MACROD2: variants seen among roughly 807,000 people sequenced by gnomAD.
MACROD2 encodes mono-ADP ribosylhydrolase 2.
In MACROD2, 36 loss-of-function variants were observed where a neutral mutation model predicts 70.4. The ratio of observed to expected loss-of-function variants is 0.51; its 90% confidence interval spans 0.39 to 0.68. The LOEUF (loss-of-function observed/expected upper bound fraction) is 0.68, where lower values mean the gene tolerates loss of function less well. MACROD2 is among the 30% of genes least tolerant of loss of function. MACROD2 has a pLI of 0.00. For missense variants in MACROD2, 496 were observed against 538.4 expected, an observed-to-expected ratio of 0.92 and a Z score of 0.78; for synonymous variants, 172 against 178.8, an observed-to-expected ratio of 0.96 and a Z score of 0.30.
At chr20:14,431,701 A>T (rs1817316630) in intron 3 of MACROD2, among the ~76,000 whole-genome samples, 1 of 152,222 alleles carries the variant, frequency 6.6e-6, no homozygotes, top group Admixed American at 6.5e-5. Context: ...AAGTTAGAAA[A>T]GAATTTAGAC....
At chr20:14,359,287 G>C (rs59497311) in intron 3 of MACROD2, among the ~76,000 whole-genome samples, 1,823 of 152,084 alleles carry the variant, frequency 0.012, 37 homozygotes, top group African/African-American at 0.042. Flanking sequence ...AAAAATTAAG[G>C]GTGGTTATTA....
intron 5 of MACROD2, among the ~76,000 whole-genome samples, chr20:14,734,654 C>T (rs967981358): frequency 6.6e-6 from 1 of 150,410 alleles, no homozygotes; most frequent in Non-Finnish European, 1.5e-5. Context: ...TTTATTAAAA[C>T]TAAAGTCTTT....
chr20:14,472,678 C>A (rs749065079), intron 3 of MACROD2, among the ~76,000 whole-genome samples: 18 of 152,000 alleles, frequency 1.2e-4, no homozygotes, highest in Non-Finnish European at 2.2e-4. Context: ...TCTAATTGTG[C>A]CTGAAGGAGT....
chr20:14,902,519 G>A (rs895609972), intron 5 of MACROD2, among the ~76,000 whole-genome samples: 1 of 152,130 alleles, frequency 6.6e-6, no homozygotes, highest in Non-Finnish European at 1.5e-5. Flanking sequence ...CATACCACAC[G>A]AGTGAAAAAG....
rs149076564 is a variant in MACROD2 at position 15,072,737 on chromosome 20, A to G, written c.419-157203A>G. On this transcript the variant is annotated intron_variant, in intron 5 of 17. Coordinates refer to ENST00000684519, the MANE Select transcript of MACROD2 (RefSeq NM_001351661.2). ...ATTTTACCTGGATATTTTACTCAAT[A>G]TTAAACATTTATGTTCTAAGTTTGA... is the stretch of plus-strand genomic sequence containing the variant. 7.9e-5 allele frequency among the ~76,000 whole-genome samples: 12 copies of G among 152,312 alleles called. No individual in the cohort carries two copies. In the East Asian group the frequency reaches 2.3e-3, roughly 29 times the overall value.
intron 2 of MACROD2, among the ~76,000 whole-genome samples, chr20:14,010,354 G>T (rs958498857): frequency 6.6e-6 from 1 of 151,976 alleles, no homozygotes; most frequent in African/African-American, 2.4e-5. Context: ...GGAGGATGGG[G>T]GGCTGGTTGG....
At chr20:15,456,341 C>T (rs1170574165) in intron 7 of MACROD2, among the ~76,000 whole-genome samples, 6 of 152,178 alleles carry the variant, frequency 3.9e-5, no homozygotes, top group Non-Finnish European at 8.8e-5. Flanking sequence ...ATCTCTTCCA[C>T]GCAAGCAGTT....
intron 5 of MACROD2, among the ~76,000 whole-genome samples, chr20:14,773,466 A>G (rs1330623217): frequency 6.6e-6 from 1 of 152,052 alleles, no homozygotes; most frequent in African/African-American, 2.4e-5. Context: ...ATGAAATCAT[A>G]TATTTGTCTT....
At chr20:14,603,884 T>G (rs1982644028) in intron 4 of MACROD2, among the ~76,000 whole-genome samples, 1 of 152,128 alleles carries the variant, frequency 6.6e-6, no homozygotes, top group Non-Finnish European at 1.5e-5. Flanking sequence ...CCTTCCTTGC[T>G]TCTAAGCTCT....
chr20:14,230,629 GTTTATATA>G (rs1320904878), intron 3 of MACROD2, among the ~76,000 whole-genome samples: 1 of 6,976 alleles, frequency 1.4e-4, no homozygotes, highest in Non-Finnish European at 3.0e-4. Context: ...TCTCATTCAT[GTTTATATA>G]TATATATATA....
At chr20:15,504,877 G>C (rs981861509) in intron 8 of MACROD2, among the ~76,000 whole-genome samples, 2 of 152,198 alleles carry the variant, frequency 1.3e-5, no homozygotes, top group Non-Finnish European at 2.9e-5. Flanking sequence ...CTAAGTTGGG[G>C]TGGCTGCTCT....
At chr20:15,183,193 T>C (rs1375452208) in intron 5 of MACROD2, among the ~76,000 whole-genome samples, 7 of 152,114 alleles carry the variant, frequency 4.6e-5, no homozygotes, top group African/African-American at 1.7e-4. Context: ...GAACTTGTTG[T>C]CATAAAAATA....
chr20:15,516,638 G>T (rs1227483922), intron 8 of MACROD2, among the ~76,000 whole-genome samples: 1 of 152,072 alleles, frequency 6.6e-6, no homozygotes, highest in African/African-American at 2.4e-5. Context: ...TTTTCCTGGG[G>T]CTTTTTCTTT....
rs896042673 is a variant in MACROD2 at position 14,950,363 on chromosome 20, G to A, written c.418+265404G>A. On this transcript the variant is annotated intron_variant, in intron 5 of 17. Coordinates refer to ENST00000684519, the MANE Select transcript of MACROD2 (RefSeq NM_001351661.2). ...CCACAGATCTCTTCTATTGTGGGAC[G>A]TGGAAGTCTTGCCTGGGTCTAAGGG... Among the ~76,000 whole-genome samples, 7 of 152,150 alleles carry A rather than the reference G, an allele frequency of 4.6e-5. No homozygotes were observed. In the East Asian group the frequency reaches 9.6e-4, roughly 21 times the overall value.
At chr20:15,828,877 G>A (rs1272330070) in intron 8 of MACROD2, among the ~76,000 whole-genome samples, 1 of 152,178 alleles carries the variant, frequency 6.6e-6, no homozygotes, top group African/African-American at 2.4e-5. Context: ...TTTAATCTCA[G>A]GACATCCTTT....
chr20:15,393,905 C>A (rs549999055), intron 6 of MACROD2, among the ~76,000 whole-genome samples: 39 of 152,302 alleles, frequency 2.6e-4, no homozygotes, highest in African/African-American at 8.9e-4. Flanking sequence ...ATGTCCCCCC[C>A]ATGCACATAT....
chr20:14,746,521 CTG>C lies in MACROD2; in HGVS notation c.418+61566_418+61567del, dbSNP rs547745056. 5.3e-4 allele frequency among the ~76,000 whole-genome samples: 80 copies of C among 152,076 alleles called. 1 individual carries two copies. Among genetic ancestry groups the C allele is most frequent in the Admixed American group, 1.4e-3 (22 of 15,270 alleles). ...GTATTGAGAAAGTATGTGTGTGTGT[CTG>C]TGTCTGTGTGTATAGCCTGTAATGT... On this transcript the variant is annotated intron_variant, in intron 5 of 17. Coordinates refer to ENST00000684519, the MANE Select transcript of MACROD2 (RefSeq NM_001351661.2).
In MACROD2 at chr20:15,074,964, A is replaced by G. The variant is rs565757982; in HGVS notation, c.419-154976A>G. 1.2e-4 allele frequency among the ~76,000 whole-genome samples: 19 copies of G among 152,336 alleles called. No individual in the cohort carries two copies. In the South Asian group the frequency reaches 3.9e-3, roughly 32 times the overall value. ...CACAAAAGAAAAGAGATATGAATACATGGAAAGGTAAATGGCAATAGAGTA... is the reference window on the plus strand; with the variant it reads ...CACAAAAGAAAAGAGATATGAATACGTGGAAAGGTAAATGGCAATAGAGTA... On this transcript the variant is annotated intron_variant, in intron 5 of 17. Coordinates refer to ENST00000684519, the MANE Select transcript of MACROD2 (RefSeq NM_001351661.2).
In MACROD2 at chr20:14,445,499, A is replaced by G. The variant is rs1379327458; in HGVS notation, c.272-47980A>G. On this transcript the variant is annotated intron_variant, in intron 3 of 17. Coordinates refer to ENST00000684519, the MANE Select transcript of MACROD2 (RefSeq NM_001351661.2). ...GTTTCTTCCTCAAGATTACTGACAC[A>G]TTTCCCCAATTCCCCATTTTCCTGG... 1.3e-5 allele frequency among the ~76,000 whole-genome samples: 2 copies of G among 152,006 alleles called. 1 individual carries two copies. Among genetic ancestry groups the G allele is most frequent in the Non-Finnish European group, 2.9e-5 (2 of 68,026 alleles).
Sources: allele counts gnomAD v4.1 joint callset (sites outside exome capture counted in the v4.1 genomes callset), GRCh38; gene constraint gnomAD v4.1.1; transcripts MANE v1.5; gene names NCBI Gene and HGNC (gene_info 2026-07-23, HGNC 2026-07-21).